Variants in SASS6 observed in about 807,000 individuals in gnomAD.
The protein encoded by SASS6 is spindle assembly abnormal protein 6 homolog.
In SASS6, 59 loss-of-function variants were observed where a neutral mutation model predicts 94.9. That is an observed-to-expected ratio of 0.62 (90% CI 0.50 to 0.77). The LOEUF is 0.77. Ranked by LOEUF, SASS6 falls within the 30% of genes least tolerant of loss-of-function variation. The pLI is 0.00. For synonymous variants in SASS6, 264 were observed against 270.0 expected (o/e 0.98, Z 0.22); for missense variants, 698 against 734.1 (o/e 0.95, Z 0.57).
intron 14 of SASS6, among the ~76,000 whole-genome samples, chr1:100,088,855 G>C (rs1651487420): frequency 6.7e-6 from 1 of 148,948 alleles, no homozygotes; most frequent in Non-Finnish European, 1.5e-5. Flanking sequence ...AAAAAAGCCT[G>C]CCATGCTTTA....
chr1:100,098,780 C>G (rs1023970896), intron 14 of SASS6, among the ~76,000 whole-genome samples: 3 of 152,186 alleles, frequency 2.0e-5, no homozygotes, highest in Non-Finnish European at 1.5e-5. Flanking sequence ...TTCTGATACA[C>G]TGCAGTTACC....
At position 100,119,126 on chromosome 1, in the gene SASS6, T is replaced by C; in HGVS notation, c.561A>G (p.Glu187=). The change falls in exon 7 of 17, where the codon GAA becomes GAG. Residue 187 remains glutamate, a synonymous_variant. Transcript: ENST00000287482. ...GTAACTTATCTAATTCTTGTTTTTT[T>C]TCTGCTAATGTCTACATTAGAGTTT... is the stretch of plus-strand genomic sequence containing the variant. ...QLDFTRKTLA[E]KKQELDKLRN... The C allele has an allele frequency of 6.4e-7, 1 of 1,561,778 alleles. No individual in the cohort carries two copies. The highest frequency in any genetic ancestry group is 8.8e-7 in the Non-Finnish European group (1 of 1,142,026).
chr1:100,132,884 G>T lies in SASS6; in HGVS notation c.-70C>A. ...CCGGCCCTCGGGATTAGCCTGAGAG[G>T]TCCGGGTCCTGATAAAGTTTGAGTT... On this transcript the variant is annotated 5_prime_UTR_variant, in exon 1 of 17. Transcript: ENST00000287482. 7.1e-7 allele frequency: 1 copy of T among 1,404,852 alleles called. No homozygotes were observed. Among genetic ancestry groups the T allele is most frequent in the Non-Finnish European group, 1.0e-6 (1 of 999,986 alleles). 87.0% of individuals were successfully genotyped at this position (1,404,852 alleles called of 1,614,324 possible). A position where few individuals can be genotyped will look rare whatever the true frequency, so the allele number is the denominator to read the frequency against.
intron 8 of SASS6, among the ~76,000 whole-genome samples, chr1:100,108,534 T>C (rs1052923784): frequency 6.6e-6 from 1 of 152,106 alleles, no homozygotes; most frequent in African/African-American, 2.4e-5. Context: ...AAAAATAGAT[T>C]TTTAAAAAAT....
intron 1 of SASS6, 81 bp downstream of exon 1, chr1:100,132,669 C>T (rs1655168508): frequency 3.4e-6 from 4 of 1,180,006 alleles, no homozygotes; most frequent in Non-Finnish European, 5.1e-6. Flanking sequence ...CAAGGTGGAT[C>T]CCACGGGCCA....
At chr1:100,088,272 A>G in intron 14 of SASS6, 36 bp from the exon 15 acceptor site, 1 of 1,021,018 alleles carries the variant, frequency 9.8e-7, no homozygotes, top group Non-Finnish European at 1.6e-6. Flanking sequence ...TAACTGAGTT[A>G]TATAGAAGTA....
At chr1:100,101,761 C>A (rs1327149275) in intron 14 of SASS6, among the ~76,000 whole-genome samples, 1 of 152,168 alleles carries the variant, frequency 6.6e-6, no homozygotes, top group African/African-American at 2.4e-5. Flanking sequence ...TCTAAGTACT[C>A]TTTACATAAC....
chr1:100,087,928 T>C (rs567864008), intron 15 of SASS6, among the ~76,000 whole-genome samples: 2 of 152,244 alleles, frequency 1.3e-5, no homozygotes, highest in East Asian at 3.9e-4. Context: ...CATTAAAAAA[T>C]AATGAGTAGA....
In SASS6 at chr1:100,090,612, T is replaced by G. The variant is rs187220048; in HGVS notation, c.1675-2376A>C. On this transcript the variant is annotated intron_variant, in intron 14 of 16. Coordinates refer to ENST00000287482, the MANE Select transcript of SASS6 (RefSeq NM_194292.3). ...ACTTTGAAGGAGGGGAATCATATTTTCCTACCAAAGGCACTGTGGCCTCAT... is the reference window on the plus strand; with the variant it reads ...ACTTTGAAGGAGGGGAATCATATTTGCCTACCAAAGGCACTGTGGCCTCAT... Among the ~76,000 whole-genome samples the G allele has an allele frequency of 6.7e-3, 1,023 of 152,266 alleles. 8 individuals are homozygous for G. Among genetic ancestry groups the G allele is most frequent in the Non-Finnish European group, 0.011 (763 of 68,032 alleles).
chr1:100,106,746 T>TG (rs766718326), intron 12 of SASS6, among the ~76,000 whole-genome samples, 166 bp downstream of exon 12: 18 of 151,992 alleles, frequency 1.2e-4, no homozygotes, highest in Non-Finnish European at 2.4e-4. Context: ...CCCAGCTACT[T>TG]GGGGGGCTGA....
chr1:100,090,357 A>C (rs1651584757), intron 14 of SASS6, among the ~76,000 whole-genome samples: 1 of 152,238 alleles, frequency 6.6e-6, no homozygotes, highest in South Asian at 2.1e-4. Flanking sequence ...ATGATACTTC[A>C]TGTAAATACT....
At chr1:100,093,458 ATG>A (rs1651895687) in intron 14 of SASS6, among the ~76,000 whole-genome samples, 1 of 152,132 alleles carries the variant, frequency 6.6e-6, no homozygotes, top group South Asian at 2.1e-4. Flanking sequence ...TTAGTGTTCC[ATG>A]TGTACTTGAA....
chr1:100,122,831 G>C (rs615891), intron 3 of SASS6, among the ~76,000 whole-genome samples: 1 of 152,008 alleles, frequency 6.6e-6, no homozygotes, highest in African/African-American at 2.4e-5. Context: ...GATTACAGGC[G>C]TGAGCCACCG....
rs114408625 is a variant in SASS6, at chr1:100,090,851, G to C, written c.1675-2615C>G. Among the ~76,000 whole-genome samples, 302 of 152,194 alleles carry C rather than the reference G, an allele frequency of 2.0e-3. 2 individuals carry two copies. Among genetic ancestry groups the C allele is most frequent in the Admixed American group, 6.5e-3 (99 of 15,286 alleles). On this transcript the variant is annotated intron_variant, in intron 14 of 16. Coordinates refer to ENST00000287482, the MANE Select transcript of SASS6 (RefSeq NM_194292.3). ...CTCAAGGGAGAAATCCTATAAAGTG[G>C]TATATAAACTCTTAGGCTCACTTAT...
intron 2 of SASS6, 151 bp downstream of exon 2, chr1:100,125,731 G>A: frequency 1.8e-6 from 1 of 570,594 alleles, no homozygotes; most frequent in East Asian, 3.4e-5. Flanking sequence ...TGTCTCAGTA[G>A]ATTCCACCAC....
intron 7 of SASS6, among the ~76,000 whole-genome samples, chr1:100,116,343 C>T (rs1653800317): frequency 6.6e-6 from 1 of 152,006 alleles, no homozygotes; most frequent in Admixed American, 6.6e-5. Flanking sequence ...CTTGAATGGG[C>T]ACTTGAAAAG....
chr1:100,097,563 G>A (rs976424793), intron 14 of SASS6, among the ~76,000 whole-genome samples: 8 of 151,974 alleles, frequency 5.3e-5, no homozygotes, highest in Non-Finnish European at 1.0e-4. Flanking sequence ...GGTGGCTCAC[G>A]CCTGTAATTC....
intron 14 of SASS6, among the ~76,000 whole-genome samples, chr1:100,090,785 CTA>C (rs1185855177): frequency 6.6e-6 from 1 of 151,936 alleles, no homozygotes; most frequent in Non-Finnish European, 1.5e-5. Context: ...AAGGGGGACC[CTA>C]AGGGCACAGA....
At chr1:100,112,810 C>G (rs980108707) in intron 7 of SASS6, among the ~76,000 whole-genome samples, 2 of 152,186 alleles carry the variant, frequency 1.3e-5, no homozygotes, top group African/African-American at 4.8e-5. Context: ...AAGAACCTAT[C>G]AGGAAATCAA....
Sources: gnomAD v4.1 joint callset for allele counts (sites outside exome capture counted in the v4.1 genomes callset) on GRCh38, gnomAD v4.1.1 for gene constraint, MANE v1.5 for transcripts, NCBI Gene and HGNC (gene_info 2026-07-23, HGNC 2026-07-21) for gene names.